The following GPC5 variants were observed in gnomAD, a reference collection of about 807,000 sequenced individuals.
The protein encoded by GPC5 is glypican-5.
GPC5 carries 47 observed loss-of-function variants against 53.9 expected under a neutral mutation model. The ratio of observed to expected loss-of-function variants is 0.87; its 90% CI spans 0.69 to 1.11. GPC5 has a LOEUF of 1.11. Among genes scored for constraint, GPC5 ranks in the 50% most tolerant of loss-of-function variants. The pLI is 0.00. For synonymous variants in GPC5, 286 were observed against 263.3 expected (o/e 1.09, Z -0.84); for missense variants, 748 against 713.1 (o/e 1.05, Z -0.56).
chr13:91,434,879 G>A (rs558300383), intron 1 of GPC5, among the ~76,000 whole-genome samples: 1 of 152,226 alleles, frequency 6.6e-6, no homozygotes, highest in Admixed American at 6.5e-5. Context: ...GTGGTTTGTA[G>A]TTCTCCTTGA....
chr13:92,174,554 A>C lies in GPC5; in HGVS notation c.1561+29565A>C, dbSNP rs34478573. Among the ~76,000 whole-genome samples, 1,240 of 151,650 alleles carry C rather than the reference A, an allele frequency of 8.2e-3. 8 individuals carry two copies. The highest frequency in any genetic ancestry group is 0.024 in the Middle Eastern group (7 of 294). ...CAACTCAAAGAAAAAAAAAAAACAA[A>C]AACAACAACAACAACAAAAAAAACA... is the stretch of plus-strand genomic sequence containing the variant. On this transcript the variant is annotated intron_variant, in intron 7 of 7. Transcript: ENST00000377067.
At chr13:92,026,154 TA>T (rs1279654709) in intron 6 of GPC5, among the ~76,000 whole-genome samples, 3 of 152,142 alleles carry the variant, frequency 2.0e-5, no homozygotes, top group Non-Finnish European at 4.4e-5. Flanking sequence ...TAAAGTGTTC[TA>T]AATCCTTGTT....
At chr13:92,071,718 A>G (rs953679740) in intron 6 of GPC5, among the ~76,000 whole-genome samples, 3 of 151,728 alleles carry the variant, frequency 2.0e-5, no homozygotes, top group Admixed American at 1.3e-4. Context: ...AAATTTAATT[A>G]TTTTTAATCA....
intron 7 of GPC5, among the ~76,000 whole-genome samples, chr13:92,376,744 A>G (rs1039742071): frequency 4.6e-5 from 7 of 152,060 alleles, no homozygotes; most frequent in Non-Finnish European, 1.0e-4. Flanking sequence ...GGCTGGGCGC[A>G]GTGGCTCACG....
intron 7 of GPC5, among the ~76,000 whole-genome samples, chr13:92,827,891 A>G (rs1877906273): frequency 6.6e-6 from 1 of 152,114 alleles, no homozygotes. Flanking sequence ...GAAAAAGAGA[A>G]GAGTCCAAGT....
rs1879020680 is a variant in GPC5, at chr13:92,856,946, A to C, written c.1562-9336A>C. On this transcript the variant is annotated intron_variant, in intron 7 of 7. Coordinates refer to ENST00000377067, the MANE Select transcript of GPC5 (RefSeq NM_004466.6). Reference sequence around the variant, plus strand: ...CAATGCTACTCCTATCAAATGACCAATGTCATTTTTCACAGAATTAGGGAA... The same window carrying C: ...CAATGCTACTCCTATCAAATGACCACTGTCATTTTTCACAGAATTAGGGAA... Among the ~76,000 whole-genome samples, 4 of 152,028 alleles carry C rather than the reference A, an allele frequency of 2.6e-5. No homozygotes were observed. The South Asian group carries it at 8.3e-4, about 32-fold the overall frequency.
intron 7 of GPC5, among the ~76,000 whole-genome samples, chr13:92,417,011 T>G (rs922263012): frequency 1.3e-5 from 2 of 152,232 alleles, no homozygotes; most frequent in African/African-American, 4.8e-5. Flanking sequence ...ATAACCCATT[T>G]AAGTAAGCAC....
intron 6 of GPC5, among the ~76,000 whole-genome samples, chr13:91,909,561 C>T (rs1299526157): frequency 6.6e-6 from 1 of 151,916 alleles, no homozygotes; most frequent in East Asian, 1.9e-4. Flanking sequence ...TATATTAGTG[C>T]AATAGCACAT....
chr13:91,557,512 C>G (rs2031026033), intron 2 of GPC5, among the ~76,000 whole-genome samples: 1 of 152,110 alleles, frequency 6.6e-6, no homozygotes, highest in Non-Finnish European at 1.5e-5. Flanking sequence ...GGGCTGATGT[C>G]CAGCCCCAGG....
chr13:92,613,421 GATATATATTTATATATAAAT>G (rs1433807930), intron 7 of GPC5, among the ~76,000 whole-genome samples: 2,060 of 46,548 alleles, frequency 0.044, 92 homozygotes, highest in African/African-American at 0.12. Context: ...ATATAAATAT[GATATATATTTATATATAAAT>G]ATATATATTT....
At chr13:92,752,965 G>A (rs1178575416) in intron 7 of GPC5, among the ~76,000 whole-genome samples, 1 of 152,208 alleles carries the variant, frequency 6.6e-6, no homozygotes, top group African/African-American at 2.4e-5. Flanking sequence ...CAGCCAGGAA[G>A]CTCGAACTGG....
chr13:92,515,846 A>T (rs1254079222), intron 7 of GPC5, among the ~76,000 whole-genome samples: 1 of 152,214 alleles, frequency 6.6e-6, no homozygotes, highest in African/African-American at 2.4e-5. Flanking sequence ...TAAAACATGA[A>T]AATAAAGTAA....
chr13:91,665,162 C>T (rs1301839946), intron 2 of GPC5, among the ~76,000 whole-genome samples: 3 of 152,192 alleles, frequency 2.0e-5, no homozygotes, highest in Admixed American at 6.5e-5. Flanking sequence ...TGTAGCATAA[C>T]ATTTGGGATG....
intron 7 of GPC5, among the ~76,000 whole-genome samples, chr13:92,414,655 T>C (rs1454725297): frequency 6.6e-6 from 1 of 152,230 alleles, no homozygotes; most frequent in Non-Finnish European, 1.5e-5. Context: ...TGTCTGAGTT[T>C]GTTTGGGTTG....
intron 2 of GPC5, among the ~76,000 whole-genome samples, chr13:91,499,443 G>A (rs1884495772): frequency 1.3e-5 from 2 of 152,174 alleles, no homozygotes; most frequent in African/African-American, 4.8e-5. Flanking sequence ...CACAGTTTCT[G>A]CTCCTAATTC....
chr13:92,251,672 C>T (rs1053737877), intron 7 of GPC5, among the ~76,000 whole-genome samples: 4 of 152,102 alleles, frequency 2.6e-5, no homozygotes, highest in African/African-American at 7.2e-5. Flanking sequence ...CTAGCACATA[C>T]AAGACCCTGA....
intron 5 of GPC5, among the ~76,000 whole-genome samples, chr13:91,811,952 G>A (rs921039120): frequency 5.9e-5 from 9 of 152,276 alleles, no homozygotes; most frequent in Non-Finnish European, 7.4e-5. Flanking sequence ...CTACAACGTG[G>A]AGCTGCAGTG....
intron 6 of GPC5, among the ~76,000 whole-genome samples, chr13:92,089,733 TAA>T (rs1566430348): frequency 6.6e-6 from 1 of 152,142 alleles, no homozygotes; most frequent in African/African-American, 2.4e-5. Context: ...TTTAACTATT[TAA>T]GATTAGTTAC....
intron 7 of GPC5, among the ~76,000 whole-genome samples, chr13:92,371,997 G>A (rs927494854): frequency 3.3e-5 from 5 of 152,172 alleles, no homozygotes; most frequent in Admixed American, 1.3e-4. Flanking sequence ...TGGCCCCCAG[G>A]TGACAGCCAG....
Sources: allele counts gnomAD v4.1 joint callset (sites outside exome capture counted in the v4.1 genomes callset), GRCh38; gene constraint gnomAD v4.1.1; transcripts MANE v1.5; gene names NCBI Gene and HGNC (gene_info 2026-07-23, HGNC 2026-07-21).